The following ADK variants were observed in gnomAD, a reference collection of about 807,000 sequenced individuals.
ADK encodes N6,N6-dimethyladenosine kinase.
Under a neutral mutation model 44.7 loss-of-function variants are expected in ADK, and 24 were observed. That is an observed-to-expected ratio of 0.54 (90% CI 0.39 to 0.76). The LOEUF (loss-of-function observed/expected upper bound fraction) is 0.76. Among genes scored for constraint, ADK ranks in the 30% least tolerant of loss-of-function variants. ADK has a pLI of 0.00. For synonymous variants in ADK, 128 were observed against 142.6 expected, an observed-to-expected ratio of 0.90 and a Z score of 0.73; for missense variants, 321 against 425.1, an observed-to-expected ratio of 0.76 and a Z score of 2.15.
chr10:74,364,366 C>T (rs1001764724), intron 4 of ADK, among the ~76,000 whole-genome samples: 2 of 152,190 alleles, frequency 1.3e-5, no homozygotes, highest in African/African-American at 4.8e-5. Flanking sequence ...GTGTAGTTCA[C>T]ACTTCTTTAT....
chr10:74,389,266 C>T (rs1843257894), intron 4 of ADK, among the ~76,000 whole-genome samples: 1 of 152,134 alleles, frequency 6.6e-6, no homozygotes. Context: ...GTTGAATCTC[C>T]ATCCTGGAGA....
intron 4 of ADK, among the ~76,000 whole-genome samples, chr10:74,353,775 G>A (rs1211795786): frequency 6.6e-6 from 1 of 152,110 alleles, no homozygotes; most frequent in Non-Finnish European, 1.5e-5. Flanking sequence ...GGCTGAGGCA[G>A]GAGAATGGCA....
chr10:74,167,101 CATT>C (rs1425037947), intron 1 of ADK, among the ~76,000 whole-genome samples: 1 of 152,062 alleles, frequency 6.6e-6, no homozygotes, highest in Non-Finnish European at 1.5e-5. Flanking sequence ...CTCTGTGAAT[CATT>C]GTTTCAGTTA....
chr10:74,161,558 G>T (rs997552433), intron 1 of ADK, among the ~76,000 whole-genome samples: 1 of 151,758 alleles, frequency 6.6e-6, no homozygotes, highest in Non-Finnish European at 1.5e-5. Flanking sequence ...TAGAGACAGG[G>T]TTTCACTATG....
intron 10 of ADK, among the ~76,000 whole-genome samples, chr10:74,705,298 CAGCTCA>C (rs1257258322): frequency 9.2e-5 from 11 of 119,588 alleles, no homozygotes; most frequent in Non-Finnish European, 1.8e-4. Context: ...AGCAGCTCAG[CAGCTCA>C]GGTTTCCCCT....
At chr10:74,441,905 A>G (rs947846231) in intron 6 of ADK, among the ~76,000 whole-genome samples, 9 of 152,118 alleles carry the variant, frequency 5.9e-5, no homozygotes, top group African/African-American at 2.2e-4. Context: ...CTGAATAGAC[A>G]TTTTCCATAG....
intron 6 of ADK, among the ~76,000 whole-genome samples, chr10:74,520,771 C>T (rs1271373934): frequency 6.6e-6 from 1 of 152,026 alleles, no homozygotes. Context: ...TTGTTTGGTT[C>T]TATTTTAGTC....
At chr10:74,603,420 C>T (rs971658864) in intron 9 of ADK, among the ~76,000 whole-genome samples, 1 of 152,024 alleles carries the variant, frequency 6.6e-6, no homozygotes, top group East Asian at 1.9e-4. Context: ...TCCCCCACCC[C>T]CCGACAGGCC....
intron 10 of ADK, among the ~76,000 whole-genome samples, chr10:74,695,455 T>TG (rs1856142013): frequency 6.6e-6 from 1 of 150,660 alleles, no homozygotes; most frequent in South Asian, 2.1e-4. Flanking sequence ...TTAAAACTGT[T>TG]GCTCTTGTAT....
intron 3 of ADK, among the ~76,000 whole-genome samples, chr10:74,244,894 TTAG>T (rs1845357601): frequency 1.3e-5 from 2 of 152,176 alleles, no homozygotes. Flanking sequence ...AAATGGTTAG[TTAG>T]CTAATGAAAT....
intron 7 of ADK, among the ~76,000 whole-genome samples, chr10:74,555,370 G>T (rs1187514520): frequency 1.3e-5 from 2 of 152,022 alleles, no homozygotes; most frequent in Non-Finnish European, 2.9e-5. Context: ...TGTCATAGGT[G>T]TCAGATCCAG....
At chr10:74,160,066 A>G (rs563999095) in intron 1 of ADK, among the ~76,000 whole-genome samples, 14 of 152,274 alleles carry the variant, frequency 9.2e-5, no homozygotes, top group African/African-American at 3.1e-4. Context: ...TGCTTGTATC[A>G]GTTTTGAGAG....
At chr10:74,673,992 C>T (rs944665487) in intron 10 of ADK, among the ~76,000 whole-genome samples, 1 of 152,130 alleles carries the variant, frequency 6.6e-6, no homozygotes, top group Non-Finnish European at 1.5e-5. Flanking sequence ...TCTTCTTTCT[C>T]TGTTGGCTGA....
intron 9 of ADK, among the ~76,000 whole-genome samples, chr10:74,622,981 T>C (rs1055261229): frequency 1.3e-5 from 2 of 152,138 alleles, no homozygotes; most frequent in African/African-American, 4.8e-5. Context: ...CACTCTAGCC[T>C]GGACAACAAG....
chr10:74,437,985 C>G (rs2133118551), intron 6 of ADK, among the ~76,000 whole-genome samples: 1 of 152,268 alleles, frequency 6.6e-6, no homozygotes, highest in African/African-American at 2.4e-5. Flanking sequence ...AGGGCTGACT[C>G]ATGTATAACC....
intron 4 of ADK, among the ~76,000 whole-genome samples, chr10:74,365,339 C>T (rs1408588831): frequency 1.3e-5 from 2 of 152,164 alleles, no homozygotes. Context: ...CGTGGGTTTA[C>T]CTATTCTGGA....
chr10:74,250,715 AG>A (rs1274672126), intron 3 of ADK, among the ~76,000 whole-genome samples: 3 of 152,144 alleles, frequency 2.0e-5, no homozygotes, highest in Non-Finnish European at 4.4e-5. Context: ...GGTCTCTTAT[AG>A]GGTAGTAGTA....
At chr10:74,161,732 G>C (rs10824088) in intron 1 of ADK, among the ~76,000 whole-genome samples, 17,481 of 151,326 alleles carry the variant, frequency 0.12, 1,052 homozygotes, top group Middle Eastern at 0.2. Flanking sequence ...AGATGAGGGG[G>C]TCTTGCTGTG....
intron 9 of ADK, chr10:74,655,111 A>ATCTC: frequency 3.5e-6 from 1 of 283,468 alleles, no homozygotes; most frequent in Admixed American, 3.8e-5. Context: ...CTGGGGGTTG[A>ATCTC]GGTTGGGGGT....
Sources: gnomAD v4.1 joint callset for allele counts (sites outside exome capture counted in the v4.1 genomes callset) on GRCh38, gnomAD v4.1.1 for gene constraint, MANE v1.5 for transcripts, NCBI Gene and HGNC (gene_info 2026-07-23, HGNC 2026-07-21) for gene names.